Variants in WWTR1 observed in about 807,000 individuals in gnomAD.
WWTR1 encodes the protein WW domain-containing transcription regulator protein 1.
A neutral mutation model predicts 40.1 loss-of-function variants in WWTR1; 13 were observed. That is an observed-to-expected ratio of 0.32 (90% CI 0.21 to 0.52). WWTR1 has a LOEUF of 0.52. WWTR1 is among the 20% of genes least tolerant of loss of function. The pLI is 0.97. For missense variants in WWTR1, 436 were observed against 523.1 expected (o/e 0.83, Z 1.63); for synonymous variants, 230 against 210.1 (o/e 1.09, Z -0.82).
chr3:149,691,018 A>G (rs1416484769), intron 1 of WWTR1, among the ~76,000 whole-genome samples: 2 of 152,210 alleles, frequency 1.3e-5, no homozygotes, highest in African/African-American at 4.8e-5. Flanking sequence ...AGAAATCAAG[A>G]AACAACTTTA....
chr3:149,680,349 G>A (rs1426925192), intron 1 of WWTR1, among the ~76,000 whole-genome samples: 1 of 152,146 alleles, frequency 6.6e-6, no homozygotes, highest in Non-Finnish European at 1.5e-5. Flanking sequence ...TTCAAGACCA[G>A]CCTGGCCAAC....
At chr3:149,541,820 A>G (rs1475541183) in intron 4 of WWTR1, among the ~76,000 whole-genome samples, 1 of 152,128 alleles carries the variant, frequency 6.6e-6, no homozygotes, top group Admixed American at 6.5e-5. Context: ...CCAGTCTTCC[A>G]GCAATCCTCA....
chr3:149,675,749 C>T (rs1248207819), intron 1 of WWTR1, among the ~76,000 whole-genome samples: 1 of 151,732 alleles, frequency 6.6e-6, no homozygotes. Flanking sequence ...TGGAGTCTTG[C>T]TCTGTTGCCC....
intron 4 of WWTR1, among the ~76,000 whole-genome samples, chr3:149,532,976 A>G (rs181598595): frequency 6.2e-4 from 95 of 152,356 alleles, no homozygotes; most frequent in Non-Finnish European, 1.0e-3. Context: ...GCCGCTGAGC[A>G]TCGGTGGTGC....
chr3:149,669,433 G>A (rs13085263), intron 2 of WWTR1, among the ~76,000 whole-genome samples: 30,196 of 152,086 alleles, frequency 0.2, 3,254 homozygotes, highest in Admixed American at 0.3. Context: ...CTTAAATAAG[G>A]AATTTCCATT....
At chr3:149,554,341 C>A (rs1736731695) in intron 3 of WWTR1, among the ~76,000 whole-genome samples, 1 of 152,148 alleles carries the variant, frequency 6.6e-6, no homozygotes, top group African/African-American at 2.4e-5. Flanking sequence ...TCCAGATGCC[C>A]CAAGCCTGTC....
chr3:149,624,288 A>G lies in WWTR1; in HGVS notation c.431+32588T>C, dbSNP rs188664953. On this transcript the variant is annotated intron_variant, in intron 2 of 6. Transcript: ENST00000360632. Reference sequence around the variant, plus strand: ...GTGGATGCCCAACCTTCCTGAGGCCATATTCCTGCCAATGGAGAAGGCAAT... The same window carrying G: ...GTGGATGCCCAACCTTCCTGAGGCCGTATTCCTGCCAATGGAGAAGGCAAT... 3.0e-3 allele frequency among the ~76,000 whole-genome samples: 457 copies of G among 152,334 alleles called. 13 individuals are homozygous for G. Among genetic ancestry groups the G allele is most frequent in the Admixed American group, 0.028 (434 of 15,298 alleles).
intron 3 of WWTR1, among the ~76,000 whole-genome samples, chr3:149,544,308 G>A (rs1736271146): frequency 6.6e-6 from 1 of 152,206 alleles, no homozygotes; most frequent in Non-Finnish European, 1.5e-5. Flanking sequence ...CAATGGCAAA[G>A]ATTTCTCCAG....
At chr3:149,619,360 C>T (rs1319995328) in intron 2 of WWTR1, among the ~76,000 whole-genome samples, 1 of 152,166 alleles carries the variant, frequency 6.6e-6, no homozygotes, top group Non-Finnish European at 1.5e-5. Flanking sequence ...GTGACTCACA[C>T]CTGTAATCAC....
intron 2 of WWTR1, among the ~76,000 whole-genome samples, chr3:149,639,064 A>G (rs1042127902): frequency 5.3e-5 from 8 of 152,186 alleles, no homozygotes; most frequent in African/African-American, 4.8e-5. Context: ...TTAAAGACAC[A>G]TGGTTACATT....
chr3:149,570,142 A>G (rs1263686733), intron 3 of WWTR1, among the ~76,000 whole-genome samples: 3 of 152,248 alleles, frequency 2.0e-5, no homozygotes, highest in African/African-American at 4.8e-5. Context: ...TGGCATTCCA[A>G]GTTGTATTTC....
intron 1 of WWTR1, chr3:149,670,761 TA>T (rs1406487403): frequency 5.9e-5 from 9 of 152,248 alleles, no homozygotes; most frequent in African/African-American, 2.2e-4. Context: ...TCTCTTTTTT[TA>T]CTCACTGCCC....
upstream of WWTR1, among the ~76,000 whole-genome samples, chr3:149,706,243 A>G (rs918324704): frequency 1.2e-4 from 18 of 152,216 alleles, no homozygotes; most frequent in African/African-American, 4.3e-4. Context: ...AAGAATGTTC[A>G]CATGTAAATT....
At chr3:149,654,330 A>T (rs946407954) in intron 2 of WWTR1, among the ~76,000 whole-genome samples, 10 of 152,206 alleles carry the variant, frequency 6.6e-5, no homozygotes, top group African/African-American at 9.7e-5. Flanking sequence ...ACAAAACTCT[A>T]CAAGAAATTC....
intron 2 of WWTR1, among the ~76,000 whole-genome samples, chr3:149,668,729 C>A (rs1218597364): frequency 1.3e-5 from 2 of 152,114 alleles, no homozygotes; most frequent in Non-Finnish European, 2.9e-5. Context: ...AACGGGGGAT[C>A]CCTTTTAATA....
chr3:149,594,913 T>C (rs965717781), intron 2 of WWTR1, among the ~76,000 whole-genome samples: 20 of 151,444 alleles, frequency 1.3e-4, no homozygotes, highest in Non-Finnish European at 2.5e-4. Context: ...CTAAAGTACT[T>C]AGGGAAAATC....
chr3:149,590,929 C>T (rs947963158), intron 2 of WWTR1, among the ~76,000 whole-genome samples: 1 of 152,104 alleles, frequency 6.6e-6, no homozygotes. Flanking sequence ...CAATAACACA[C>T]CACCATCCCT....
At chr3:149,639,993 CAAAAA>C (rs1215330406) in intron 2 of WWTR1, among the ~76,000 whole-genome samples, 4 of 76,254 alleles carry the variant, frequency 5.2e-5, no homozygotes, top group Admixed American at 1.9e-4. Flanking sequence ...GACTCCGTCT[CAAAAA>C]AAAAAAAAAA....
chr3:149,711,099 G>A (rs1715467670), intron 5 of WWTR1, among the ~76,000 whole-genome samples: 1 of 148,972 alleles, frequency 6.7e-6, no homozygotes, highest in East Asian at 2.1e-4. Context: ...TACGGGCACA[G>A]TTAGGAAAGA....
Sources: allele counts gnomAD v4.1 joint callset (sites outside exome capture counted in the v4.1 genomes callset), GRCh38; gene constraint gnomAD v4.1.1; transcripts MANE v1.5; gene names NCBI Gene and HGNC (gene_info 2026-07-23, HGNC 2026-07-21).